GFOD1: variants seen among roughly 807,000 people sequenced by gnomAD.
GFOD1 encodes the protein Gfo/Idh/MocA-like oxidoreductase domain containing 1, also known as glucose-fructose oxidoreductase domain-containing protein 1.
Under a neutral mutation model 25.4 loss-of-function variants are expected in GFOD1, and 9 were observed. The ratio of observed to expected loss-of-function variants is 0.35; its 90% CI spans 0.21 to 0.62. GFOD1 has a LOEUF of 0.62. Ranked by LOEUF, GFOD1 falls within the 20% of genes least tolerant of loss-of-function variation. GFOD1 has a pLI of 0.72. For missense variants in GFOD1, 403 were observed against 556.9 expected (o/e 0.72, Z 2.78); for synonymous variants, 253 against 245.6 (o/e 1.03, Z -0.28).
chr6:13,376,220 G>T (rs1785253801), intron 1 of GFOD1, among the ~76,000 whole-genome samples: 1 of 152,190 alleles, frequency 6.6e-6, no homozygotes, highest in Non-Finnish European at 1.5e-5. Flanking sequence ...GGGGCAAGAG[G>T]TCCCATGGGA....
rs1319531858 is a variant in GFOD1, at chr6:13,365,610, G to C, written c.306C>G (p.Phe102Leu). The change falls in exon 2 of 2, where the codon TTC (phenylalanine) becomes TTG (leucine). Residue 102 changes from phenylalanine to leucine, a missense_variant. Transcript: ENST00000379287. The surrounding 1 kb of genome is among the most constrained non-coding windows in gnomAD (Gnocchi z 9.2). ...CDRTATPLDA[F>L]RMTSAAHYYP... is the part of the protein sequence containing the mutation. Reference sequence around the variant, plus strand: ...AGTAGTGGGCGGCCGAGGTCATGCGGAAAGCGTCCAGCGGCGTGGCCGTGC... The same window carrying C: ...AGTAGTGGGCGGCCGAGGTCATGCGCAAAGCGTCCAGCGGCGTGGCCGTGC... 2 of 1,603,898 alleles carry C rather than the reference G, an allele frequency of 1.2e-6. No homozygotes were observed. Among genetic ancestry groups the C allele is most frequent in the African/African-American group, 1.3e-5 (1 of 74,932 alleles).
At position 13,362,345 on chromosome 6, in the gene GFOD1, C is replaced by T. The variant is rs1276659431; in HGVS notation, c.*2398G>A. On this transcript the variant is annotated 3_prime_UTR_variant, in exon 2 of 2. Coordinates refer to ENST00000379287, the MANE Select transcript of GFOD1 (RefSeq NM_018988.4). ...GCTGTGGTGGCAGCCACCCGTAGTC[C>T]CTGCTGCTCGGGAGGCTGAGACAGG... 2 of 152,248 alleles carry T rather than the reference C, an allele frequency of 1.3e-5. No individual in the cohort carries two copies. The highest frequency in any genetic ancestry group is 3.9e-4 in the East Asian group (2 of 5,182). The allele number at this position is 152,248 out of a possible 1,614,324, so 9.4% of individuals were successfully genotyped here. A position where few individuals can be genotyped will look rare whatever the true frequency, so the allele number is the denominator to read the frequency against.
chr6:13,458,366 C>T (rs1758228721), intron 1 of GFOD1, among the ~76,000 whole-genome samples: 1 of 152,128 alleles, frequency 6.6e-6, no homozygotes, highest in African/African-American at 2.4e-5. Flanking sequence ...TCCGCCCCCG[C>T]TTGGCCTCCC....
chr6:13,424,718 T>C (rs543799823), intron 1 of GFOD1, among the ~76,000 whole-genome samples: 1 of 133,862 alleles, frequency 7.5e-6, no homozygotes. Flanking sequence ...GATACAAGGG[T>C]TTTTTTTCTT....
At chr6:13,449,686 T>C (rs1291094162) in intron 1 of GFOD1, among the ~76,000 whole-genome samples, 2 of 152,222 alleles carry the variant, frequency 1.3e-5, no homozygotes, top group African/African-American at 4.8e-5. Context: ...CTGATAGTTT[T>C]ATAAGAGGTT....
At chr6:13,436,310 G>A (rs1397100398) in intron 1 of GFOD1, among the ~76,000 whole-genome samples, 1 of 152,116 alleles carries the variant, frequency 6.6e-6, no homozygotes, top group Non-Finnish European at 1.5e-5. Flanking sequence ...CACTACAGTA[G>A]GAAATAAAAT....
chr6:13,468,751 T>A (rs1758422009), intron 1 of GFOD1, among the ~76,000 whole-genome samples: 1 of 152,104 alleles, frequency 6.6e-6, no homozygotes, highest in Non-Finnish European at 1.5e-5. Context: ...CCAGCAGTGT[T>A]CTCTTTCCAC....
chr6:13,412,781 C>T (rs1786101284), intron 1 of GFOD1, among the ~76,000 whole-genome samples: 3 of 152,208 alleles, frequency 2.0e-5, no homozygotes, highest in African/African-American at 7.2e-5. Flanking sequence ...GAGCACTTCC[C>T]CCGCCCTCCT....
intron 1 of GFOD1, among the ~76,000 whole-genome samples, chr6:13,445,971 G>T (rs1053149019): frequency 7.2e-5 from 11 of 152,174 alleles, no homozygotes; most frequent in Admixed American, 3.3e-4. Flanking sequence ...GGAGAGTGCT[G>T]GGTGGCAGGA....
intron 1 of GFOD1, chr6:13,470,568 G>A (rs1239804707): frequency 1.2e-5 from 18 of 1,521,268 alleles, no homozygotes; most frequent in South Asian, 6.3e-5. Context: ...ACAGAACCAC[G>A]TGGCATTTTT....
chr6:13,441,300 C>G (rs1757911998), intron 1 of GFOD1, among the ~76,000 whole-genome samples: 1 of 152,214 alleles, frequency 6.6e-6, no homozygotes, highest in Non-Finnish European at 1.5e-5. Flanking sequence ...GACTTTTCTT[C>G]TTTCTAAATG....
intron 1 of GFOD1, among the ~76,000 whole-genome samples, chr6:13,395,708 T>C (rs1785715371): frequency 6.6e-6 from 1 of 152,222 alleles, no homozygotes; most frequent in Admixed American, 6.5e-5. Flanking sequence ...CCACTTGAGA[T>C]AAAGAGCCCA....
intron 1 of GFOD1, among the ~76,000 whole-genome samples, chr6:13,477,190 T>G: frequency 6.8e-6 from 1 of 147,274 alleles, no homozygotes; most frequent in African/African-American, 2.5e-5. Context: ...TAGTCAGGGT[T>G]CACCAGAGAA....
Position 13,363,899 on chromosome 6 carries a change from A to T in GFOD1, c.*844T>A, listed in dbSNP as rs1195713367. ...CACCGCAGTAATCCCTCTGATACTC[A>T]ATTCCACCTTTACTGGAAATAGTGT... On this transcript the variant is annotated 3_prime_UTR_variant, in exon 2 of 2. Coordinates refer to ENST00000379287, the MANE Select transcript of GFOD1 (RefSeq NM_018988.4). 1 of 152,150 alleles carries T rather than the reference A, an allele frequency of 6.6e-6. No individual in the cohort carries two copies. The highest frequency in any genetic ancestry group is 1.5e-5 in the Non-Finnish European group (1 of 68,020). 9.4% of individuals were successfully genotyped at this position (152,150 alleles called of 1,614,324 possible).
At chr6:13,469,612 T>C in intron 1 of GFOD1, 1 of 1,109,248 alleles carries the variant, frequency 9.0e-7, no homozygotes, top group South Asian at 2.4e-5. Flanking sequence ...CTTAGCCATG[T>C]ACACTTGCCA....
chr6:13,470,136 G>C (rs775635781), intron 1 of GFOD1: 1 of 1,496,724 alleles, frequency 6.7e-7, no homozygotes, highest in South Asian at 1.1e-5. Context: ...AAATCCTGTT[G>C]GTGAATGTAG....
At chr6:13,418,981 C>T (rs951948579) in intron 1 of GFOD1, among the ~76,000 whole-genome samples, 9 of 152,156 alleles carry the variant, frequency 5.9e-5, no homozygotes, top group East Asian at 1.9e-4. Context: ...GCCAATTGTC[C>T]GGTCGGTGTT....
At chr6:13,434,830 A>G (rs1463299866) in intron 1 of GFOD1, among the ~76,000 whole-genome samples, 1 of 152,240 alleles carries the variant, frequency 6.6e-6, no homozygotes, top group Non-Finnish European at 1.5e-5. Context: ...AGAAGAACCA[A>G]AAACAGCAAG....
rs1785017796 is a variant in GFOD1, at chr6:13,365,171, C to A, written c.745G>T (p.Val249Phe). 6.2e-7 allele frequency: 1 copy of A among 1,613,782 alleles called. No individual in the cohort carries two copies. The highest frequency in any genetic ancestry group is 1.3e-5 in the African/African-American group (1 of 74,944). Reference sequence around the variant, plus strand: ...CGCCCGGCTGAGCCCACCACAGTGACATCCTGCTTGAACTCGCCGGGCACG... The same window carrying A: ...CGCCCGGCTGAGCCCACCACAGTGAAATCCTGCTTGAACTCGCCGGGCACG... Reference protein sequence around the residue: ...FNVPGEFKQDVTVVGSAGRLL... With the variant: ...FNVPGEFKQDFTVVGSAGRLL... Residue 249 changes from valine to phenylalanine, a missense_variant, in exon 2 of 2, where the codon GTC becomes TTC. Transcript: ENST00000379287. The surrounding 1 kb of genome is among the most constrained non-coding windows in gnomAD (Gnocchi z 9.2).
Sources: gnomAD v4.1 joint callset for allele counts (sites outside exome capture counted in the v4.1 genomes callset) on GRCh38, gnomAD v4.1.1 for gene constraint, Gnocchi (gnomAD v3.1) non-coding constraint, MANE v1.5 for transcripts, NCBI Gene and HGNC (gene_info 2026-07-23, HGNC 2026-07-21) for gene names.